The following MARK1 variants were observed in gnomAD, a reference collection of about 807,000 sequenced individuals.
MARK1 encodes the protein microtubule affinity regulating kinase 1.
Under a neutral mutation model 96.3 loss-of-function variants are expected in MARK1, and 40 were observed. The ratio of observed to expected loss-of-function variants is 0.42; its 90% CI spans 0.32 to 0.54. The LOEUF is 0.54. Among genes scored for constraint, MARK1 ranks in the 20% least tolerant of loss-of-function variants. The pLI is 0.16. For synonymous variants in MARK1, 317 were observed against 341.2 expected (o/e 0.93, Z 0.78); for missense variants, 719 against 984.6 (o/e 0.73, Z 3.61).
intron 1 of MARK1, among the ~76,000 whole-genome samples, chr1:220,533,772 C>A (rs1660488989): frequency 6.6e-6 from 1 of 152,098 alleles, no homozygotes. Context: ...TGGGAATGTA[C>A]CAACCATTAT....
chr1:220,645,763 TA>T (rs1395672527), intron 13 of MARK1, among the ~76,000 whole-genome samples: 1 of 152,204 alleles, frequency 6.6e-6, no homozygotes, highest in Non-Finnish European at 1.5e-5. Context: ...CGTGAATCAA[TA>T]AATGTAATCA....
At chr1:220,575,158 T>C (rs1183544140) in intron 1 of MARK1, among the ~76,000 whole-genome samples, 1 of 152,144 alleles carries the variant, frequency 6.6e-6, no homozygotes, top group East Asian at 1.9e-4. Context: ...GCTAATGAAA[T>C]CATTATCTCT....
intron 1 of MARK1, among the ~76,000 whole-genome samples, chr1:220,550,364 T>C (rs934983964): frequency 2.6e-5 from 4 of 152,184 alleles, no homozygotes; most frequent in African/African-American, 9.7e-5. Flanking sequence ...AGCTCTTTTT[T>C]TTTCTTGAGA....
At chr1:220,567,271 A>G (rs1663124728) in intron 1 of MARK1, among the ~76,000 whole-genome samples, 1 of 152,164 alleles carries the variant, frequency 6.6e-6, no homozygotes, top group African/African-American at 2.4e-5. Flanking sequence ...TTGTTATTAC[A>G]AATATTTTAT....
chr1:220,654,691 T>G lies in MARK1; in HGVS notation c.1988+1339T>G, dbSNP rs1246381324. On this transcript the variant is annotated intron_variant, in intron 16 of 17. Transcript: ENST00000366917. This position sits in a 1 kb window ranked among gnomAD's most constrained non-coding sequence, Gnocchi z 4.0. ...GTTTCTGCTTTTGGAATTTGTCTATTTAAGGCCATTTCAAAAAGCCAGTAC... is the reference window on the plus strand; with the variant it reads ...GTTTCTGCTTTTGGAATTTGTCTATGTAAGGCCATTTCAAAAAGCCAGTAC... Among the ~76,000 whole-genome samples, 2 of 152,196 alleles carry G rather than the reference T, an allele frequency of 1.3e-5. No individual in the cohort carries two copies. Among genetic ancestry groups the G allele is most frequent in the East Asian group, 3.9e-4 (2 of 5,194 alleles).
chr1:220,622,438 T>C (rs1317674973), intron 9 of MARK1, among the ~76,000 whole-genome samples: 2 of 152,230 alleles, frequency 1.3e-5, no homozygotes, highest in Non-Finnish European at 2.9e-5. Context: ...TACAGTCTTG[T>C]TTATGTCTGC....
intron 9 of MARK1, chr1:220,627,333 A>C: frequency 2.0e-6 from 1 of 500,144 alleles, no homozygotes; most frequent in Admixed American, 2.3e-5. Flanking sequence ...AGAGAGTCAA[A>C]ACAGGATGGA....
chr1:220,533,426 A>G (rs1226020115), intron 1 of MARK1, among the ~76,000 whole-genome samples: 2 of 152,030 alleles, frequency 1.3e-5, no homozygotes, highest in East Asian at 3.9e-4. Flanking sequence ...TTTTAAAGTT[A>G]TTATTATTGT....
intron 3 of MARK1, among the ~76,000 whole-genome samples, chr1:220,596,080 A>G (rs983671530): frequency 2.6e-5 from 4 of 152,222 alleles, no homozygotes; most frequent in Admixed American, 6.5e-5. Context: ...TGGATTGGAT[A>G]TAAATGTTGG....
chr1:220,541,909 C>T (rs781676938), intron 1 of MARK1, among the ~76,000 whole-genome samples: 2 of 152,218 alleles, frequency 1.3e-5, no homozygotes, highest in African/African-American at 2.4e-5. Flanking sequence ...GAAGGACTTA[C>T]TATTGCCATT....
At chr1:220,544,352 C>A (rs1355394487) in intron 1 of MARK1, among the ~76,000 whole-genome samples, 1 of 152,108 alleles carries the variant, frequency 6.6e-6, no homozygotes, top group Non-Finnish European at 1.5e-5. Context: ...AAGGTCAGAG[C>A]CCTCACGAAT....
At chr1:220,565,720 T>C (rs1156883986) in intron 1 of MARK1, among the ~76,000 whole-genome samples, 1 of 152,226 alleles carries the variant, frequency 6.6e-6, no homozygotes, top group Non-Finnish European at 1.5e-5. Flanking sequence ...GATTTTTCCT[T>C]GTCCATGCCT....
At chr1:220,653,047 T>C in intron 15 of MARK1, 54 bp from the exon 16 acceptor site, 1 of 1,593,682 alleles carries the variant, frequency 6.3e-7, no homozygotes, top group South Asian at 1.1e-5. Flanking sequence ...TTAGCTTGAG[T>C]GAAAGGTTTT....
intron 17 of MARK1, 35 bp downstream of exon 17, chr1:220,657,869 C>T (rs982477265): frequency 6.8e-7 from 1 of 1,463,960 alleles, no homozygotes; most frequent in East Asian, 2.6e-5. Flanking sequence ...GCTGCTAGGT[C>T]CCTGTGTATG....
intron 13 of MARK1, among the ~76,000 whole-genome samples, chr1:220,644,634 C>T (rs1668483731): frequency 6.6e-6 from 1 of 152,152 alleles, no homozygotes; most frequent in Admixed American, 6.6e-5. Flanking sequence ...ATACATTTTT[C>T]TTGGTGCCAT....
At chr1:220,600,292 A>G (rs3767320) in intron 5 of MARK1, among the ~76,000 whole-genome samples, 87,944 of 151,980 alleles carry the variant, frequency 0.58, 26,902 homozygotes, top group Non-Finnish European at 0.68. Flanking sequence ...CAGATTCTCA[A>G]TATACATACA....
intron 1 of MARK1, among the ~76,000 whole-genome samples, chr1:220,547,792 T>G (rs1394928620): frequency 6.6e-6 from 1 of 152,216 alleles, no homozygotes; most frequent in African/African-American, 2.4e-5. Flanking sequence ...GGTCTGGATC[T>G]CCTGACCTCG....
chr1:220,550,380 T>A (rs1661778867), intron 1 of MARK1, among the ~76,000 whole-genome samples: 1 of 152,128 alleles, frequency 6.6e-6, no homozygotes, highest in South Asian at 2.1e-4. Context: ...TGAGACAAGG[T>A]CTTGCTCCGT....
intron 1 of MARK1, among the ~76,000 whole-genome samples, chr1:220,536,945 T>A (rs1284972986): frequency 2.6e-5 from 4 of 152,100 alleles, no homozygotes; most frequent in Admixed American, 2.0e-4. Flanking sequence ...CCTTGATGAG[T>A]ATCTCCATAG....
Sources: gnomAD v4.1 joint callset for allele counts (sites outside exome capture counted in the v4.1 genomes callset) on GRCh38, gnomAD v4.1.1 for gene constraint, Gnocchi (gnomAD v3.1) non-coding constraint, MANE v1.5 for transcripts, NCBI Gene and HGNC (gene_info 2026-07-23, HGNC 2026-07-21) for gene names.